Variants in TTC29 observed in about 807,000 individuals in gnomAD.
TTC29 encodes the protein tetratricopeptide repeat protein 29.
Under a neutral mutation model 58.1 loss-of-function variants are expected in TTC29, and 49 were observed. The ratio of observed to expected loss-of-function variants is 0.84; its 90% CI spans 0.67 to 1.07. The LOEUF is 1.07. TTC29 is among the 50% of genes least tolerant of loss of function. The pLI, the probability that TTC29 is intolerant of heterozygous loss-of-function variation, is 0.00. For missense variants in TTC29, 582 were observed against 555.6 expected (o/e 1.05, Z -0.48); for synonymous variants, 209 against 196.8 (o/e 1.06, Z -0.52).
intron 8 of TTC29, among the ~76,000 whole-genome samples, chr4:146,835,734 C>G (rs1728467120): frequency 6.6e-6 from 1 of 152,270 alleles, no homozygotes; most frequent in South Asian, 2.1e-4. Context: ...TATTGCACCA[C>G]TCTCTCATGA....
chr4:146,749,236 A>G (rs763808152), intron 11 of TTC29, among the ~76,000 whole-genome samples: 10 of 151,826 alleles, frequency 6.6e-5, no homozygotes, highest in Non-Finnish European at 1.3e-4. Flanking sequence ...GCCTGAGCCC[A>G]TGAGTTGAAG....
At chr4:146,711,969 C>T (rs894572723) in intron 11 of TTC29, among the ~76,000 whole-genome samples, 3 of 151,908 alleles carry the variant, frequency 2.0e-5, no homozygotes, top group African/African-American at 7.2e-5. Context: ...GAACTGAAAA[C>T]TTGTCAATCA....
At position 146,917,635 on chromosome 4, in the gene TTC29, A is replaced by C. The variant is rs141305890; in HGVS notation, c.177-8386T>G. Among the ~76,000 whole-genome samples the C allele has an allele frequency of 3.8e-3, 344 of 89,798 alleles. 3 individuals carry two copies. The highest frequency in any genetic ancestry group is 5.7e-3 in the Non-Finnish European group (219 of 38,228). The allele number at this position is 89,798 out of a possible 152,430, so 58.9% of individuals were successfully genotyped here. A position where few individuals can be genotyped will look rare whatever the true frequency, so the allele number is the denominator to read the frequency against. On this transcript the variant is annotated intron_variant, in intron 4 of 12. Coordinates refer to ENST00000325106, the MANE Select transcript of TTC29 (RefSeq NM_031956.4). Reference sequence around the variant, plus strand: ...ATAATATATAATTAGATATTATATAAATTATATATTATATATTTATATAAA... The same window carrying C: ...ATAATATATAATTAGATATTATATACATTATATATTATATATTTATATAAA...
At chr4:146,866,654 G>A (rs1240275929) in intron 8 of TTC29, among the ~76,000 whole-genome samples, 1 of 152,026 alleles carries the variant, frequency 6.6e-6, no homozygotes, top group African/African-American at 2.4e-5. Flanking sequence ...AAAATATTAA[G>A]CATAAGAGTC....
Position 146,788,062 on chromosome 4 carries a change from G to T in TTC29, c.1330+15395C>A, listed in dbSNP as rs546434484. Among the ~76,000 whole-genome samples, 4 of 152,164 alleles carry T rather than the reference G, an allele frequency of 2.6e-5. No homozygotes were observed. In the East Asian group the frequency reaches 7.7e-4, roughly 29 times the overall value. On this transcript the variant is annotated intron_variant, in intron 11 of 12. Transcript: ENST00000325106. Reference sequence around the variant, plus strand: ...TTTCATCATGCTGCTGAAACTGATCGACTGAAACCACCTGAGAGACCTGAG... The same window carrying T: ...TTTCATCATGCTGCTGAAACTGATCTACTGAAACCACCTGAGAGACCTGAG...
chr4:146,734,310 T>G (rs1349154279), intron 11 of TTC29, among the ~76,000 whole-genome samples: 2 of 152,126 alleles, frequency 1.3e-5, no homozygotes, highest in Non-Finnish European at 2.9e-5. Context: ...CACGTGGAGT[T>G]TCCTGGAGGA....
At chr4:146,708,805 C>T (rs1263486376) in intron 11 of TTC29, among the ~76,000 whole-genome samples, 2 of 151,956 alleles carry the variant, frequency 1.3e-5, no homozygotes, top group Non-Finnish European at 2.9e-5. Context: ...TATCCTTACC[C>T]TATTTTCTGA....
intron 8 of TTC29, among the ~76,000 whole-genome samples, chr4:146,857,086 TA>T (rs1183851782): frequency 1.3e-5 from 2 of 152,068 alleles, no homozygotes; most frequent in Non-Finnish European, 2.9e-5. Flanking sequence ...GATTATATAA[TA>T]ATTCTGAATA....
At chr4:146,816,354 C>A (rs966377348) in intron 10 of TTC29, among the ~76,000 whole-genome samples, 3 of 152,060 alleles carry the variant, frequency 2.0e-5, no homozygotes, top group South Asian at 4.1e-4. Context: ...ACCACTGTAT[C>A]CTAAAAAGTA....
chr4:146,726,168 G>C (rs1743769056), intron 11 of TTC29, among the ~76,000 whole-genome samples: 1 of 152,008 alleles, frequency 6.6e-6, no homozygotes, highest in South Asian at 2.1e-4. Flanking sequence ...AAGCCATCAT[G>C]CCAGGTCTAA....
intron 2 of TTC29, among the ~76,000 whole-genome samples, chr4:146,943,691 A>G (rs1047972052): frequency 2.0e-5 from 3 of 152,230 alleles, no homozygotes; most frequent in African/African-American, 7.2e-5. Flanking sequence ...GCAAATATTT[A>G]AAGGGGTCCT....
chr4:146,920,542 G>A (rs1423227409), intron 4 of TTC29, among the ~76,000 whole-genome samples: 1 of 150,910 alleles, frequency 6.6e-6, no homozygotes, highest in Non-Finnish European at 1.5e-5. Context: ...TAGTGTAGGG[G>A]TAAATAACAA....
At chr4:146,928,695 G>C (rs1158234509) in intron 4 of TTC29, among the ~76,000 whole-genome samples, 1 of 152,076 alleles carries the variant, frequency 6.6e-6, no homozygotes, top group Non-Finnish European at 1.5e-5. Flanking sequence ...GGTAAACTCT[G>C]ATCTCTCTGT....
intron 7 of TTC29, among the ~76,000 whole-genome samples, chr4:146,873,176 G>C (rs1372356353): frequency 6.6e-6 from 1 of 151,950 alleles, no homozygotes; most frequent in African/African-American, 2.4e-5. Context: ...CAATGTGAGG[G>C]GCATGCTTTA....
chr4:146,828,565 G>T lies in TTC29; in HGVS notation c.977+5241C>A, dbSNP rs185424386. Among the ~76,000 whole-genome samples, 26 of 152,040 alleles carry T rather than the reference G, an allele frequency of 1.7e-4. No individual in the cohort carries two copies. The East Asian group carries it at 5.0e-3, about 29-fold the overall frequency. On this transcript the variant is annotated intron_variant, in intron 9 of 12. Coordinates refer to ENST00000325106, the MANE Select transcript of TTC29 (RefSeq NM_031956.4). ...TTCTAAAAACCAATATATTTTTGAA[G>T]AAAGTACATTTTGAATTAGATTTGG...
At chr4:146,856,082 A>G (rs1273661762) in intron 8 of TTC29, among the ~76,000 whole-genome samples, 1 of 152,112 alleles carries the variant, frequency 6.6e-6, no homozygotes, top group African/African-American at 2.4e-5. Context: ...AGGAGTATAC[A>G]TACATTATGT....
chr4:146,888,538 A>T (rs1732142230), intron 6 of TTC29, among the ~76,000 whole-genome samples: 1 of 152,160 alleles, frequency 6.6e-6, no homozygotes, highest in African/African-American at 2.4e-5. Flanking sequence ...CTAGCCCTGG[A>T]AGTGAAAAGA....
At chr4:146,799,323 C>G (rs1480956788) in intron 11 of TTC29, among the ~76,000 whole-genome samples, 1 of 152,054 alleles carries the variant, frequency 6.6e-6, no homozygotes, top group Admixed American at 6.5e-5. Context: ...TAATAACCAA[C>G]AGAAGTAGCT....
intron 10 of TTC29, among the ~76,000 whole-genome samples, chr4:146,819,740 A>C (rs1272549778): frequency 6.6e-6 from 1 of 152,216 alleles, no homozygotes; most frequent in Non-Finnish European, 1.5e-5. Flanking sequence ...GGATTAATAA[A>C]GAATTTGGAG....
Sources: allele counts gnomAD v4.1 joint callset (sites outside exome capture counted in the v4.1 genomes callset), GRCh38; gene constraint gnomAD v4.1.1; transcripts MANE v1.5; gene names NCBI Gene and HGNC (gene_info 2026-07-23, HGNC 2026-07-21).